TENM3: variants seen among roughly 807,000 people sequenced by gnomAD.
The protein encoded by TENM3 is teneurin transmembrane protein 3, also known as teneurin-3.
A neutral mutation model predicts 255.1 loss-of-function variants in TENM3; 63 were observed. The observed-to-expected ratio is 0.25, with a 90% CI of 0.20 to 0.30. The LOEUF (loss-of-function observed/expected upper bound fraction) is 0.30. TENM3 is among the 10% of genes least tolerant of loss of function. The pLI is 1.00. For missense variants in TENM3, 2,929 were observed against 3,461.1 expected, an observed-to-expected ratio of 0.85 and a Z score of 3.86; for synonymous variants, 1,306 against 1,322.3, an observed-to-expected ratio of 0.99 and a Z score of 0.27.
At chr4:181,980,626 T>C in the TENM3 span, among the ~76,000 whole-genome samples, 1 of 152,216 alleles carries the variant, frequency 6.6e-6, no homozygotes, top group Non-Finnish European at 1.5e-5. Context: ...TCTCACCCTG[T>C]AAGTTTTCTT....
the TENM3 span, among the ~76,000 whole-genome samples, chr4:182,007,704 G>A: frequency 4.9e-4 from 75 of 152,150 alleles, no homozygotes; most frequent in African/African-American, 1.6e-3. Flanking sequence ...CTTTTAATTG[G>A]GGCATTTAGC....
the TENM3 span, among the ~76,000 whole-genome samples, chr4:181,912,618 C>T: frequency 6.6e-6 from 1 of 151,752 alleles, no homozygotes; most frequent in Admixed American, 6.6e-5. Flanking sequence ...CATAGTGAAA[C>T]CCTGTCTCTA....
intron 1 of TENM3, among the ~76,000 whole-genome samples, chr4:182,263,927 A>G (rs1293267946): frequency 6.6e-6 from 1 of 152,328 alleles, no homozygotes; most frequent in East Asian, 1.9e-4. Flanking sequence ...TGCTCTGGCC[A>G]GAACGAAAAA....
the TENM3 span, among the ~76,000 whole-genome samples, chr4:181,907,947 A>G: frequency 6.6e-6 from 1 of 152,196 alleles, no homozygotes; most frequent in Non-Finnish European, 1.5e-5. Context: ...TATGAAGTTT[A>G]TATTGTCTAT....
chr4:182,716,382 A>G (rs1302207868), intron 13 of TENM3, among the ~76,000 whole-genome samples: 1 of 152,096 alleles, frequency 6.6e-6, no homozygotes, highest in Non-Finnish European at 1.5e-5. Context: ...AATTGGCCTC[A>G]TTCCCCTTTG....
chr4:181,826,434 A>G, the TENM3 span, among the ~76,000 whole-genome samples: 92 of 152,328 alleles, frequency 6.0e-4, no homozygotes, highest in African/African-American at 2.1e-3. Context: ...TATTTGTCTC[A>G]CAAAGTTTCT....
chr4:182,300,258 G>A (rs1231911325), intron 1 of TENM3, among the ~76,000 whole-genome samples: 1 of 144,282 alleles, frequency 6.9e-6, no homozygotes, highest in Non-Finnish European at 1.5e-5. Flanking sequence ...CATGAAAGAA[G>A]CAAGGGAAGA....
At chr4:181,611,155 C>G in the TENM3 span, among the ~76,000 whole-genome samples, 1 of 152,160 alleles carries the variant, frequency 6.6e-6, no homozygotes, top group Non-Finnish European at 1.5e-5. Context: ...TACACCTAAG[C>G]GTCATAGCTG....
At chr4:181,722,914 C>T in the TENM3 span, among the ~76,000 whole-genome samples, 1 of 151,984 alleles carries the variant, frequency 6.6e-6, no homozygotes, top group Non-Finnish European at 1.5e-5. Context: ...GTGTAGGGGT[C>T]TAGAAGGACC....
the TENM3 span, among the ~76,000 whole-genome samples, chr4:182,042,967 G>A: frequency 1.3e-5 from 2 of 149,990 alleles, no homozygotes; most frequent in East Asian, 2.0e-4. Context: ...CATTTAAGAA[G>A]AGAGAAGATA....
chr4:182,429,171 G>T (rs902007109), intron 3 of TENM3, among the ~76,000 whole-genome samples: 3 of 152,134 alleles, frequency 2.0e-5, no homozygotes, highest in Non-Finnish European at 4.4e-5. Flanking sequence ...AGTGTGATTT[G>T]CCAATTCACA....
chr4:182,696,554 A>G (rs548124966), intron 12 of TENM3, among the ~76,000 whole-genome samples: 20 of 152,184 alleles, frequency 1.3e-4, no homozygotes, highest in African/African-American at 4.6e-4. Flanking sequence ...GTGAATCCCC[A>G]TCTCTACTAA....
the TENM3 span, among the ~76,000 whole-genome samples, chr4:181,899,730 G>A: frequency 6.6e-6 from 1 of 151,928 alleles, no homozygotes; most frequent in Non-Finnish European, 1.5e-5. Flanking sequence ...ACCACACCCA[G>A]CTAGTTTTTG....
chr4:182,219,257 A>T (rs186494288), intron 1 of TENM3, among the ~76,000 whole-genome samples: 1 of 151,992 alleles, frequency 6.6e-6, no homozygotes, highest in East Asian at 1.9e-4. Flanking sequence ...AATAAAAACC[A>T]TAATATATTT....
At chr4:181,524,788 T>C in the TENM3 span, among the ~76,000 whole-genome samples, 1 of 151,972 alleles carries the variant, frequency 6.6e-6, no homozygotes, top group Non-Finnish European at 1.5e-5. Context: ...AGATGGGAAG[T>C]GAGGGGGAGG....
At chr4:181,758,853 G>A in the TENM3 span, among the ~76,000 whole-genome samples, 29 of 152,244 alleles carry the variant, frequency 1.9e-4, no homozygotes, top group Non-Finnish European at 2.5e-4. Context: ...ACACCCTCTG[G>A]AATTCCACTT....
Position 182,324,218 on chromosome 4 carries a change from G to C in TENM3, c.198G>C (p.Leu66Phe). 1.2e-6 allele frequency: 2 copies of C among 1,613,956 alleles called. No homozygotes were observed. The highest frequency in any genetic ancestry group is 1.7e-6 in the Non-Finnish European group (2 of 1,179,836). Residue 66 changes from leucine (L) to phenylalanine (F), a missense_variant, in exon 2 of 28, where the codon TTG becomes TTC. Around this residue, in one of 6 missense-constraint regions of TENM3, gnomAD observed 283 missense variants for 256.9 expected, o/e 1.10. Transcript: ENST00000511685. ...TTTACGGCAACAGAGTGAAGGATTT[G>C]GTTCACAGAGAAGCAGACGAGTTCA... is the stretch of plus-strand genomic sequence containing the variant. ...RLLYGNRVKD[L>F]VHREADEFTR... is the part of the protein sequence containing the mutation.
chr4:181,553,299 AGTGTGTG>A, the TENM3 span, among the ~76,000 whole-genome samples: 2 of 86,166 alleles, frequency 2.3e-5, no homozygotes, highest in African/African-American at 8.0e-5. Flanking sequence ...GTGTGTGTGT[AGTGTGTG>A]TGTATGTGTA....
chr4:182,549,518 T>C (rs772251706), intron 3 of TENM3, among the ~76,000 whole-genome samples: 1 of 152,158 alleles, frequency 6.6e-6, no homozygotes, highest in Non-Finnish European at 1.5e-5. Context: ...TGTGTGTTCT[T>C]GTAGAGAGTT....
Sources: gnomAD v4.1 joint callset for allele counts (sites outside exome capture counted in the v4.1 genomes callset) on GRCh38, gnomAD v4.1.1 for gene constraint, gnomAD v4.1.1 regional missense constraint, MANE v1.5 for transcripts, NCBI Gene and HGNC (gene_info 2026-07-23, HGNC 2026-07-21) for gene names.